Variants in NELL1 observed in about 807,000 individuals in gnomAD.
The protein encoded by NELL1 is protein kinase C-binding protein NELL1.
NELL1 carries 76 observed loss-of-function variants against 107.4 expected under a neutral mutation model. The observed-to-expected ratio is 0.71, with a 90% CI of 0.59 to 0.86. The LOEUF (loss-of-function observed/expected upper bound fraction) is 0.86. Ranked by LOEUF, NELL1 falls within the 40% of genes least tolerant of loss-of-function variation. The pLI is 0.00. For missense variants in NELL1, 1,024 were observed against 1,005.5 expected (o/e 1.02, Z -0.25); for synonymous variants, 353 against 341.2 (o/e 1.03, Z -0.38).
chr11:21,039,678 G>A (rs1853180958), intron 12 of NELL1, among the ~76,000 whole-genome samples: 1 of 152,112 alleles, frequency 6.6e-6, no homozygotes, highest in Non-Finnish European at 1.5e-5. Context: ...AATTTTCATT[G>A]TATAAAACAA....
At chr11:21,440,394 GTTAA>G (rs976293028) in intron 15 of NELL1, among the ~76,000 whole-genome samples, 24 of 151,852 alleles carry the variant, frequency 1.6e-4, no homozygotes, top group African/African-American at 5.3e-4. Context: ...ATTTTAGTTA[GTTAA>G]TTAAAGTATT....
chr11:20,745,885 G>A (rs775995671), intron 2 of NELL1, among the ~76,000 whole-genome samples: 2 of 152,136 alleles, frequency 1.3e-5, no homozygotes, highest in African/African-American at 2.4e-5. Flanking sequence ...TTTTATTCTT[G>A]TCCTCTGACT....
intron 14 of NELL1, among the ~76,000 whole-genome samples, chr11:21,368,607 T>C (rs917671338): frequency 6.6e-5 from 10 of 151,970 alleles, no homozygotes; most frequent in African/African-American, 9.7e-5. Context: ...ATAAGAACAA[T>C]ATACCTATCA....
intron 12 of NELL1, among the ~76,000 whole-genome samples, chr11:21,022,139 A>G (rs543751614): frequency 6.6e-6 from 1 of 152,238 alleles, no homozygotes; most frequent in East Asian, 1.9e-4. Context: ...GAAAACCACT[A>G]TGCTATTTGA....
intron 12 of NELL1, among the ~76,000 whole-genome samples, chr11:21,099,537 G>A (rs918300348): frequency 1.3e-5 from 2 of 152,148 alleles, no homozygotes; most frequent in African/African-American, 4.8e-5. Context: ...GGCTAGCAAA[G>A]CCCAGTAACC....
chr11:21,295,130 A>C (rs1849347757), intron 14 of NELL1, among the ~76,000 whole-genome samples: 1 of 152,070 alleles, frequency 6.6e-6, no homozygotes, highest in Non-Finnish European at 1.5e-5. Context: ...AATATTAATA[A>C]ATTTAATTCT....
intron 13 of NELL1, among the ~76,000 whole-genome samples, chr11:21,223,699 G>A (rs1857819379): frequency 3.9e-5 from 6 of 152,012 alleles, no homozygotes; most frequent in Admixed American, 1.3e-4. Flanking sequence ...TAATAGTAAT[G>A]TGTGATCCCA....
At chr11:21,470,369 A>T (rs571925310) in intron 15 of NELL1, among the ~76,000 whole-genome samples, 1 of 152,064 alleles carries the variant, frequency 6.6e-6, no homozygotes, top group Non-Finnish European at 1.5e-5. Flanking sequence ...CCTCTTATCC[A>T]ATATCATTTC....
At chr11:21,005,427 G>GTGGCAGGGTTTT (rs1852307553) in intron 12 of NELL1, among the ~76,000 whole-genome samples, 1 of 152,338 alleles carries the variant, frequency 6.6e-6, no homozygotes, top group East Asian at 1.9e-4. Flanking sequence ...AGACTGGACA[G>GTGGCAGGGTTTT]TGGCAGGGTT....
intron 11 of NELL1, among the ~76,000 whole-genome samples, chr11:20,956,123 G>T (rs1485079881): frequency 6.6e-6 from 1 of 152,190 alleles, no homozygotes; most frequent in Non-Finnish European, 1.5e-5. Context: ...GGAGGCTGAG[G>T]CAGGAGAATC....
At chr11:21,177,186 A>G (rs889368826) in intron 13 of NELL1, among the ~76,000 whole-genome samples, 3 of 151,784 alleles carry the variant, frequency 2.0e-5, no homozygotes, top group Non-Finnish European at 4.4e-5. Context: ...ATGCTATGCA[A>G]TAGATGACCA....
chr11:21,438,022 A>G (rs1252742503), intron 15 of NELL1, among the ~76,000 whole-genome samples: 2 of 152,178 alleles, frequency 1.3e-5, no homozygotes, highest in Non-Finnish European at 2.9e-5. Flanking sequence ...AGCAAAATTT[A>G]TAAAGTTCGA....
intron 13 of NELL1, among the ~76,000 whole-genome samples, chr11:21,118,733 A>G (rs1228667760): frequency 6.6e-6 from 1 of 152,012 alleles, no homozygotes; most frequent in Non-Finnish European, 1.5e-5. Flanking sequence ...TCTCAAATCA[A>G]TCAGTACCTG....
At chr11:20,913,531 G>T (rs1244748328) in intron 5 of NELL1, among the ~76,000 whole-genome samples, 1 of 151,890 alleles carries the variant, frequency 6.6e-6, no homozygotes, top group Admixed American at 6.6e-5. Context: ...AAACGTTCTA[G>T]GAATAATAGA....
chr11:21,222,754 T>A (rs544766263), intron 13 of NELL1, among the ~76,000 whole-genome samples: 9 of 152,244 alleles, frequency 5.9e-5, no homozygotes, highest in African/African-American at 1.7e-4. Context: ...TTTCAAGAAT[T>A]TTTATGATTT....
At chr11:20,715,044 C>G (rs567169997) in intron 2 of NELL1, among the ~76,000 whole-genome samples, 3 of 151,970 alleles carry the variant, frequency 2.0e-5, no homozygotes, top group Admixed American at 1.3e-4. Flanking sequence ...GAGATCGAGA[C>G]CATCCTGGCT....
At chr11:20,736,885 G>T (rs952083985) in intron 2 of NELL1, among the ~76,000 whole-genome samples, 1 of 151,936 alleles carries the variant, frequency 6.6e-6, no homozygotes, top group African/African-American at 2.4e-5. Context: ...CTCCCGAGTA[G>T]CTGGGATTAC....
intron 16 of NELL1, among the ~76,000 whole-genome samples, chr11:21,544,304 T>C (rs2133981962): frequency 6.6e-6 from 1 of 152,100 alleles, no homozygotes; most frequent in Non-Finnish European, 1.5e-5. Context: ...ATGCAGAAAA[T>C]TTATACCATA....
chr11:21,196,758 T>C (rs1422321218), intron 13 of NELL1, among the ~76,000 whole-genome samples: 1 of 152,190 alleles, frequency 6.6e-6, no homozygotes. Flanking sequence ...GAGATTTGTT[T>C]CATTTGTTCA....
Sources: allele counts gnomAD v4.1 joint callset (sites outside exome capture counted in the v4.1 genomes callset), GRCh38; gene constraint gnomAD v4.1.1; transcripts MANE v1.5; gene names NCBI Gene and HGNC (gene_info 2026-07-23, HGNC 2026-07-21).